Variants in MARCO observed in about 807,000 individuals in gnomAD.
MARCO encodes macrophage receptor MARCO.
A neutral mutation model predicts 70.0 loss-of-function variants in MARCO; 72 were observed. The ratio of observed to expected loss-of-function variants is 1.03; its 90% CI spans 0.85 to 1.25. The LOEUF is 1.25. Among genes scored for constraint, MARCO ranks in the 50% most tolerant of loss-of-function variants. The pLI is 0.00. For missense variants in MARCO, 696 were observed against 659.3 expected, an observed-to-expected ratio of 1.06 and a Z score of -0.61; for synonymous variants, 273 against 243.1, an observed-to-expected ratio of 1.12 and a Z score of -1.14.
In MARCO at chr2:118,978,758, T is replaced by C. The variant is rs998902042; in HGVS notation, c.766+823T>C. 5.3e-5 allele frequency among the ~76,000 whole-genome samples: 8 copies of C among 152,238 alleles called. 1 individual carries two copies. The highest frequency in any genetic ancestry group is 2.1e-4 in the South Asian group (1 of 4,834). On this transcript the variant is annotated intron_variant, in intron 8 of 16. Transcript: ENST00000327097. ...AGACAGTAATAAGGGTTAGAGACCA[T>C]GTTTTCAAGCTGTCTGCAACATGAT...
intron 1 of MARCO, among the ~76,000 whole-genome samples, chr2:118,946,647 T>C (rs1040512365): frequency 6.6e-6 from 1 of 152,218 alleles, no homozygotes; most frequent in Non-Finnish European, 1.5e-5. Context: ...GTAAGTGTTT[T>C]GTGTGACTTT....
chr2:118,988,051 T>C (rs7562086), intron 12 of MARCO, among the ~76,000 whole-genome samples: 5 of 152,242 alleles, frequency 3.3e-5, no homozygotes, highest in African/African-American at 1.2e-4. Context: ...CTAGCATCTC[T>C]GAGTGTGTAC....
At chr2:118,963,694 T>G (rs1679991339) in intron 1 of MARCO, among the ~76,000 whole-genome samples, 1 of 152,192 alleles carries the variant, frequency 6.6e-6, no homozygotes. Flanking sequence ...TCAACTATAA[T>G]TGTGTATTGT....
chr2:118,951,137 C>T (rs991335798), intron 1 of MARCO, among the ~76,000 whole-genome samples: 3 of 152,212 alleles, frequency 2.0e-5, no homozygotes, highest in Non-Finnish European at 4.4e-5. Flanking sequence ...TCTGCTTCTA[C>T]AAGAGTTTCC....
chr2:118,953,026 T>TG (rs1195647602), intron 1 of MARCO: 24 of 152,180 alleles, frequency 1.6e-4, no homozygotes, highest in African/African-American at 5.8e-4. Context: ...CCTTACACAT[T>TG]TGGGTTGTCC....
chr2:118,973,724 C>T (rs1045712945), intron 4 of MARCO, among the ~76,000 whole-genome samples: 7 of 152,164 alleles, frequency 4.6e-5, no homozygotes, highest in South Asian at 2.1e-4. Context: ...TGCCTTCCCA[C>T]GCAGGCTGCC....
intron 3 of MARCO, 26 bp downstream of exon 3, chr2:118,970,364 G>C: frequency 6.5e-7 from 1 of 1,549,410 alleles, no homozygotes; most frequent in Non-Finnish European, 8.8e-7. Context: ...CTCTGGGTCA[G>C]GACTTCTCAA....
intron 12 of MARCO, among the ~76,000 whole-genome samples, chr2:118,986,670 A>G (rs1292136815): frequency 2.1e-5 from 1 of 47,858 alleles, no homozygotes; most frequent in Non-Finnish European, 3.9e-5. Context: ...GGAAGGAAGG[A>G]AGGAAAGAAA....
intron 1 of MARCO, among the ~76,000 whole-genome samples, chr2:118,947,561 A>G (rs566828499): frequency 6.6e-6 from 1 of 152,348 alleles, no homozygotes; most frequent in South Asian, 2.1e-4. Flanking sequence ...CCATGGATAC[A>G]TAGTCATTCC....
chr2:118,966,033 C>A (rs1288615845), intron 1 of MARCO, among the ~76,000 whole-genome samples: 1 of 151,864 alleles, frequency 6.6e-6, no homozygotes, highest in Middle Eastern at 3.2e-3. Flanking sequence ...GGAGGACACC[C>A]TACCAGCACT....
At chr2:118,985,009 G>A (rs191534899) in intron 12 of MARCO, among the ~76,000 whole-genome samples, 18 of 152,216 alleles carry the variant, frequency 1.2e-4, no homozygotes, top group African/African-American at 3.6e-4. Flanking sequence ...TCATTACTGC[G>A]CATTAATTAT....
chr2:118,970,976 G>A (rs34241474), intron 3 of MARCO, among the ~76,000 whole-genome samples: 13 of 152,298 alleles, frequency 8.5e-5, no homozygotes, highest in Non-Finnish European at 7.4e-5. Flanking sequence ...TGATCCCATG[G>A]CTAGGTCCTG....
In MARCO at chr2:118,993,310, T is replaced by A; in HGVS notation, c.1429+10T>A. Reference sequence around the variant, plus strand: ...TACAAAGTGGGAGCTGGTAAGTGAGTCATCAGCCGGGGGCCTCTTCCCCAG... The same window carrying A: ...TACAAAGTGGGAGCTGGTAAGTGAGACATCAGCCGGGGGCCTCTTCCCCAG... On this transcript the variant is annotated intron_variant, in intron 16 of 16. Transcript: ENST00000327097. The A allele has an allele frequency of 1.2e-6, 2 of 1,613,548 alleles. No homozygotes were observed. Among genetic ancestry groups the A allele is most frequent in the South Asian group, 2.2e-5 (2 of 91,038 alleles).
intron 12 of MARCO, 26 bp from the exon 13 acceptor site, chr2:118,990,563 C>A (rs200424222): frequency 9.2e-6 from 14 of 1,528,854 alleles, no homozygotes; most frequent in East Asian, 4.5e-5. Context: ...ATCTCCTCCC[C>A]CCCCCCTTTT....
At chr2:118,990,314 G>A (rs910951998) in intron 12 of MARCO, among the ~76,000 whole-genome samples, 1 of 152,224 alleles carries the variant, frequency 6.6e-6, no homozygotes, top group African/African-American at 2.4e-5. Context: ...TCAGGTTACC[G>A]GGGGGCAGGG....
chr2:118,971,533 A>G lies in MARCO; in HGVS notation c.459A>G (p.Pro153=), dbSNP rs752918689. The G allele has an allele frequency of 2.5e-6, 4 of 1,613,784 alleles. No individual in the cohort carries two copies. The highest frequency in any genetic ancestry group is 1.3e-5 in the African/African-American group (1 of 74,928). Residue 153 remains proline (P), a splice_region_variant and synonymous_variant, in exon 4 of 17, where the codon CCA becomes CCG. Coordinates refer to ENST00000327097, the MANE Select transcript of MARCO (RefSeq NM_006770.4). ...MFRIKGEQGA[P]GLQGHKGAMG... Reference sequence around the variant, plus strand: ...GAATCAAAGGTGAACAAGGCGCCCCAGGTAGGTTCATTTCCACTCACACCC... The same window carrying G: ...GAATCAAAGGTGAACAAGGCGCCCCGGGTAGGTTCATTTCCACTCACACCC...
Position 118,963,228 on chromosome 2 carries a change from G to A in MARCO, c.98-5932G>A, listed in dbSNP as rs555774003. Among the ~76,000 whole-genome samples the A allele has an allele frequency of 1.1e-4, 17 of 151,574 alleles. No individual in the cohort carries two copies. In the South Asian group the frequency reaches 2.1e-3, roughly 19 times the overall value. On this transcript the variant is annotated intron_variant, in intron 1 of 16. Transcript: ENST00000327097. ...TTTTTATTTTTGGTGTAAGCAGTTC[G>A]TGCTATAAATTTTCTTTTCAGAGCT...
chr2:118,978,435 G>T (rs1204849220), intron 8 of MARCO, among the ~76,000 whole-genome samples: 1 of 152,222 alleles, frequency 6.6e-6, no homozygotes, highest in Admixed American at 6.5e-5. Context: ...GCCCTGGATG[G>T]TTCTGACCAT....
At chr2:118,968,043 T>C (rs1680089190) in intron 1 of MARCO, among the ~76,000 whole-genome samples, 1 of 152,176 alleles carries the variant, frequency 6.6e-6, no homozygotes, top group South Asian at 2.1e-4. Flanking sequence ...CTCTCTCCTC[T>C]GTAAAGGAGT....
Sources: gnomAD v4.1 joint callset for allele counts (sites outside exome capture counted in the v4.1 genomes callset) on GRCh38, gnomAD v4.1.1 for gene constraint, MANE v1.5 for transcripts, NCBI Gene and HGNC (gene_info 2026-07-23, HGNC 2026-07-21) for gene names.